Variants in ADRA1D observed in about 807,000 individuals in gnomAD.
ADRA1D encodes the protein adrenoceptor alpha 1D, also known as alpha-1D adrenergic receptor.
In ADRA1D, 22 loss-of-function variants were observed where a neutral mutation model predicts 18.6. That is an observed-to-expected ratio of 1.19 (90% CI 0.85 to 1.69). The LOEUF (loss-of-function observed/expected upper bound fraction) is 1.69. ADRA1D is among the 40% of genes most tolerant of loss of function. The pLI, the probability that ADRA1D is intolerant of heterozygous loss-of-function variation, is 0.00. For missense variants in ADRA1D, 840 were observed against 840.7 expected (o/e 1.00, Z 0.01); for synonymous variants, 376 against 388.2 (o/e 0.97, Z 0.37).
chr20:4,247,735 G>T, intron 1 of ADRA1D, 112 bp downstream of exon 1: 1 of 1,261,636 alleles, frequency 7.9e-7, no homozygotes, highest in Non-Finnish European at 1.1e-6. Flanking sequence ...CTCAGGACTT[G>T]CTAAGTCAAC....
intron 1 of ADRA1D, among the ~76,000 whole-genome samples, chr20:4,232,491 G>C (rs1257275094): frequency 6.6e-6 from 1 of 152,218 alleles, no homozygotes; most frequent in Non-Finnish European, 1.5e-5. Flanking sequence ...ATCAGGTTCA[G>C]CTCCACGTCC....
chr20:4,222,214 A>G lies in ADRA1D; in HGVS notation c.1112-84T>C, dbSNP rs558211752. The G allele has an allele frequency of 5.6e-5, 86 of 1,523,114 alleles. No individual in the cohort carries two copies. In the South Asian group the frequency reaches 9.7e-4, roughly 17 times the overall value. The allele number at this position is 1,523,114 out of a possible 1,614,324, so 94.3% of individuals were successfully genotyped here. ...TCTGGGCGCAAAGGGGAGACCCTTC[A>G]GTAGCCTTGGCTGAGTCATTGACTA... On this transcript the variant is annotated intron_variant, in intron 1 of 1. Coordinates refer to ENST00000379453, the MANE Select transcript of ADRA1D (RefSeq NM_000678.4). The surrounding 1 kb of genome is among the most constrained non-coding windows in gnomAD (Gnocchi z 4.3).
Position 4,229,802 on chromosome 20 carries a change from C to A in ADRA1D, c.1112-7672G>T, listed in dbSNP as rs962259096. On this transcript the variant is annotated intron_variant, in intron 1 of 1. Coordinates refer to ENST00000379453, the MANE Select transcript of ADRA1D (RefSeq NM_000678.4). Reference sequence around the variant, plus strand: ...GCCCCCTCACTGCTTGTGCCCCTGCCCCCTGAATCTTTTCTCACCCTGGCA... The same window carrying A: ...GCCCCCTCACTGCTTGTGCCCCTGCACCCTGAATCTTTTCTCACCCTGGCA... Among the ~76,000 whole-genome samples, 76 of 151,824 alleles carry A rather than the reference C, an allele frequency of 5.0e-4. 1 individual carries two copies. The highest frequency in any genetic ancestry group is 1.0e-3 in the Non-Finnish European group (70 of 67,960).
chr20:4,237,331 T>C (rs1981115156), intron 1 of ADRA1D, among the ~76,000 whole-genome samples: 1 of 152,034 alleles, frequency 6.6e-6, no homozygotes, highest in Non-Finnish European at 1.5e-5. Context: ...AGTTGGAGGC[T>C]GCAGTGAGCT....
Position 4,248,412 on chromosome 20 carries a change from GGCCGT to G in ADRA1D, c.541_545del (p.Thr181LeufsTer60). 6.2e-7 allele frequency: 1 copy of G among 1,610,256 alleles called. No homozygotes were observed. Among genetic ancestry groups the G allele is most frequent in the Non-Finnish European group, 8.5e-7 (1 of 1,178,484 alleles). On this transcript the variant is annotated frameshift_variant, in exon 1 of 2. Coordinates refer to ENST00000379453, the MANE Select transcript of ADRA1D (RefSeq NM_000678.4). LOFTEE classifies it high-confidence loss of function. ...AGATGGTGCAGAGGCTGAGGATGGAGGCCGTGCAGCACAGCACGTCCACGGCGGCC... is the reference window on the plus strand; with the variant it reads ...AGATGGTGCAGAGGCTGAGGATGGAGGCAGCACAGCACGTCCACGGCGGCC...
intron 1 of ADRA1D, among the ~76,000 whole-genome samples, chr20:4,244,015 C>T (rs1268544998): frequency 6.6e-6 from 1 of 152,208 alleles, no homozygotes; most frequent in East Asian, 1.9e-4. Flanking sequence ...CAGTTCAGGA[C>T]AGCCCTCCTG....
intron 1 of ADRA1D, among the ~76,000 whole-genome samples, chr20:4,243,358 C>T (rs1260953797): frequency 2.6e-5 from 4 of 152,060 alleles, no homozygotes; most frequent in Non-Finnish European, 5.9e-5. Context: ...GGGCATCCGG[C>T]TGAAGGATCC....
At chr20:4,224,721 G>A (rs550668938) in intron 1 of ADRA1D, among the ~76,000 whole-genome samples, 1 of 148,890 alleles carries the variant, frequency 6.7e-6, no homozygotes, top group Non-Finnish European at 1.5e-5. Flanking sequence ...GGGTAGGGGG[G>A]GGTCCTTAAC....
intron 1 of ADRA1D, among the ~76,000 whole-genome samples, chr20:4,225,846 G>A (rs865051): frequency 0.072 from 11,007 of 152,166 alleles, 1,044 homozygotes; most frequent in African/African-American, 0.22. Flanking sequence ...GGTTTTAGGG[G>A]CCACTGGCGC....
intron 1 of ADRA1D, among the ~76,000 whole-genome samples, chr20:4,238,592 C>T (rs561762368): frequency 3.3e-5 from 5 of 152,148 alleles, no homozygotes; most frequent in Admixed American, 6.5e-5. Flanking sequence ...ATGGGGAGAC[C>T]CTGAGGGCTG....
At position 4,222,372 on chromosome 20, in the gene ADRA1D, T is replaced by A; in HGVS notation, c.1112-242A>T. The A allele has an allele frequency of 2.2e-6, 1 of 456,850 alleles. No individual in the cohort carries two copies. The highest frequency in any genetic ancestry group is 5.6e-5 in the South Asian group (1 of 17,804). The allele number at this position is 456,850 out of a possible 1,614,324, so 28.3% of individuals were successfully genotyped here. ...AATGAATGTAGGCAACAAACCAGAGTAGAGTTAGACAAAACCACGTGCAAT... is the reference window on the plus strand; with the variant it reads ...AATGAATGTAGGCAACAAACCAGAGAAGAGTTAGACAAAACCACGTGCAAT... On this transcript the variant is annotated intron_variant, in intron 1 of 1. Coordinates refer to ENST00000379453, the MANE Select transcript of ADRA1D (RefSeq NM_000678.4). This position sits in a 1 kb window ranked among gnomAD's most constrained non-coding sequence, Gnocchi z 4.3.
intron 1 of ADRA1D, among the ~76,000 whole-genome samples, chr20:4,228,983 T>C (rs1246221240): frequency 6.6e-6 from 1 of 152,164 alleles, no homozygotes; most frequent in African/African-American, 2.4e-5. Flanking sequence ...TCCCAGGCCC[T>C]CAACCTGTAG....
Position 4,248,627 on chromosome 20 carries a change from C to T in ADRA1D, c.331G>A (p.Val111Met), listed in dbSNP as rs377564644. 48 of 1,612,894 alleles carry T rather than the reference C, an allele frequency of 3.0e-5. No homozygotes were observed. Among genetic ancestry groups the T allele is most frequent in the Non-Finnish European group, 3.6e-5 (43 of 1,179,790 alleles). Residue 111 changes from valine to methionine, a missense_variant, in exon 1 of 2, where the codon GTG (valine) becomes ATG (methionine). Val to Met is a conservative substitution (Grantham distance 21). Transcript: ENST00000379453. ...VFLAAFILMA[V>M]AGNLLVILSV... is the part of the protein sequence containing the mutation. ...AGGATGACAAGCAGGTTACCTGCCACGGCCATAAGGATGAAGGCTGCCAGG... is the reference window on the plus strand; with the variant it reads ...AGGATGACAAGCAGGTTACCTGCCATGGCCATAAGGATGAAGGCTGCCAGG...
intron 1 of ADRA1D, among the ~76,000 whole-genome samples, chr20:4,230,133 C>T (rs1470355285): frequency 6.6e-6 from 1 of 152,212 alleles, no homozygotes; most frequent in Non-Finnish European, 1.5e-5. Context: ...TTCGTATTCA[C>T]AATTGCAATA....
intron 1 of ADRA1D, among the ~76,000 whole-genome samples, chr20:4,247,116 G>A (rs1245822500): frequency 6.6e-6 from 1 of 152,232 alleles, no homozygotes; most frequent in African/African-American, 2.4e-5. Flanking sequence ...GAAGACAGCT[G>A]CCTACCTCCC....
intron 1 of ADRA1D, among the ~76,000 whole-genome samples, chr20:4,232,181 T>C (rs929705770): frequency 6.6e-6 from 1 of 152,218 alleles, no homozygotes; most frequent in African/African-American, 2.4e-5. Flanking sequence ...CCTAAAATGC[T>C]GGGATTACAG....
At chr20:4,234,934 G>A (rs2122666900) in intron 1 of ADRA1D, among the ~76,000 whole-genome samples, 1 of 152,332 alleles carries the variant, frequency 6.6e-6, no homozygotes, top group South Asian at 2.1e-4. Context: ...AGGGGAGGAG[G>A]AGAGTGGTAA....
chr20:4,233,330 G>A (rs1473177250), intron 1 of ADRA1D, among the ~76,000 whole-genome samples: 2 of 151,888 alleles, frequency 1.3e-5, no homozygotes, highest in African/African-American at 2.4e-5. Context: ...GTGTGGTGGT[G>A]CACACCTGTA....
intron 1 of ADRA1D, among the ~76,000 whole-genome samples, chr20:4,225,065 G>A (rs934727276): frequency 6.7e-6 from 1 of 148,452 alleles, no homozygotes; most frequent in African/African-American, 2.5e-5. Context: ...GCAATGGTGC[G>A]ATCTCGGCTC....
Sources: gnomAD v4.1 joint callset for allele counts (sites outside exome capture counted in the v4.1 genomes callset) on GRCh38, gnomAD v4.1.1 for gene constraint, Gnocchi (gnomAD v3.1) non-coding constraint, MANE v1.5 for transcripts, NCBI Gene and HGNC (gene_info 2026-07-23, HGNC 2026-07-21) for gene names.